DISP3: variants seen among roughly 807,000 people sequenced by gnomAD.
DISP3 encodes protein dispatched homolog 3.
DISP3 carries 101 observed loss-of-function variants against 135.3 expected under a neutral mutation model. That is an observed-to-expected ratio of 0.75 (90% CI 0.64 to 0.88). The LOEUF is 0.88. Among genes scored for constraint, DISP3 ranks in the 40% least tolerant of loss-of-function variants. The pLI is 0.00. For missense variants in DISP3, 1,713 were observed against 1,878.6 expected (o/e 0.91, Z 1.63); for synonymous variants, 856 against 817.0 (o/e 1.05, Z -0.81).
Position 11,519,573 on chromosome 1 carries a change from C to T in DISP3, c.2038+70C>T. 1 of 1,587,590 alleles carries T rather than the reference C, an allele frequency of 6.3e-7. No individual in the cohort carries two copies. Among genetic ancestry groups the T allele is most frequent in the South Asian group, 1.1e-5 (1 of 88,662 alleles). ...AGCGCTGCCTCTGCCAGGGGAGTAACACTTGACAAGTTGGTCCTGAGGCTG... is the reference window on the plus strand; with the variant it reads ...AGCGCTGCCTCTGCCAGGGGAGTAATACTTGACAAGTTGGTCCTGAGGCTG... On this transcript the variant is annotated intron_variant, in intron 8 of 20. Coordinates refer to ENST00000294484, the MANE Select transcript of DISP3 (RefSeq NM_020780.2). This position sits in a 1 kb window ranked among gnomAD's most constrained non-coding sequence, Gnocchi z 4.3.
chr1:11,520,688 G>A lies in DISP3; in HGVS notation c.2202G>A (p.Gly734=), dbSNP rs1642160941. 1 of 1,612,828 alleles carries A rather than the reference G, an allele frequency of 6.2e-7. No homozygotes were observed. Among genetic ancestry groups the A allele is most frequent in the Non-Finnish European group, 8.5e-7 (1 of 1,179,780 alleles). The change falls in exon 10 of 21, where the codon GGG becomes GGA. Residue 734 remains glycine (G), a splice_region_variant and synonymous_variant. Transcript: ENST00000294484. The surrounding 1 kb of genome is among the most constrained non-coding windows in gnomAD (Gnocchi z 4.8). The part of the protein sequence containing the change: ...SAVKSRWVIV[G]LFVSILILSL... ...TGGTGTAGCGCCCTTTCCTCACAGG[G>A]CTGTTCGTCTCCATCCTCATCTTGT...
At chr1:11,484,537 G>T (rs1015028655) in intron 1 of DISP3, among the ~76,000 whole-genome samples, 1 of 152,236 alleles carries the variant, frequency 6.6e-6, no homozygotes, top group Non-Finnish European at 1.5e-5. Flanking sequence ...TTAGTGAAGT[G>T]TAAGGTCTGG....
intron 1 of DISP3, among the ~76,000 whole-genome samples, chr1:11,480,971 T>G (rs558678126): frequency 6.6e-6 from 1 of 151,642 alleles, no homozygotes; most frequent in South Asian, 2.1e-4. Flanking sequence ...GACACACACA[T>G]GTACAATCAG....
At chr1:11,528,307 C>T (rs947250535) in intron 13 of DISP3, among the ~76,000 whole-genome samples, 6 of 152,100 alleles carry the variant, frequency 3.9e-5, no homozygotes, top group Non-Finnish European at 7.4e-5. Flanking sequence ...ATTCTGTGCT[C>T]TCGGGATCTC....
chr1:11,514,134 C>T (rs577837178), intron 3 of DISP3, among the ~76,000 whole-genome samples: 11 of 152,196 alleles, frequency 7.2e-5, no homozygotes, highest in African/African-American at 2.6e-4. Flanking sequence ...CAACCTTGAC[C>T]CTACATTTGA....
At chr1:11,510,586 G>A (rs1641829979) in intron 3 of DISP3, among the ~76,000 whole-genome samples, 1 of 75,964 alleles carries the variant, frequency 1.3e-5, no homozygotes, top group Non-Finnish European at 2.8e-5. Context: ...AAAATTGTAT[G>A]TATTTATTTA....
chr1:11,501,765 AC>A lies in DISP3; in HGVS notation c.774del (p.Ser259ArgfsTer5). 2 of 1,593,704 alleles carry A rather than the reference AC, an allele frequency of 1.3e-6. No individual in the cohort carries two copies. The highest frequency in any genetic ancestry group is 1.7e-6 in the Non-Finnish European group (2 of 1,168,136). The stretch of plus-strand genomic sequence containing the variant: ...CGCCGAGGCGCCTCGCGCTGGGACT[AC>A]TCGCGCGCCTATGTGAGTGCCAACA... ...RARRGASRWD[Y>X]SRAYVSANTQ... On this transcript the variant is annotated frameshift_variant, in exon 2 of 21. Transcript: ENST00000294484. LOFTEE classifies it high-confidence loss of function. The surrounding 1 kb of genome is among the most constrained non-coding windows in gnomAD (Gnocchi z 4.9).
Position 11,520,949 on chromosome 1 carries a change from G to C in DISP3, c.2362+101G>C. 4 of 1,348,230 alleles carry C rather than the reference G, an allele frequency of 3.0e-6. No homozygotes were observed. The highest frequency in any genetic ancestry group is 4.0e-6 in the Non-Finnish European group (4 of 1,005,116). The allele number at this position is 1,348,230 out of a possible 1,614,324, so 83.5% of individuals were successfully genotyped here. ...GGATCCAGGGTCCCCATCAATGCCAGACCTCAGGCAAATCCCACTCCCCTC... is the reference window on the plus strand; with the variant it reads ...GGATCCAGGGTCCCCATCAATGCCACACCTCAGGCAAATCCCACTCCCCTC... On this transcript the variant is annotated intron_variant, in intron 10 of 20. Transcript: ENST00000294484. This position sits in a 1 kb window ranked among gnomAD's most constrained non-coding sequence, Gnocchi z 4.8.
chr1:11,513,501 C>T (rs1641915013), intron 3 of DISP3, among the ~76,000 whole-genome samples: 1 of 152,088 alleles, frequency 6.6e-6, no homozygotes. Flanking sequence ...GGGAAGTCTG[C>T]TGTCAGCCTT....
rs775174612 is a variant in DISP3 at position 11,501,592 on chromosome 1, C to T, written c.600C>T (p.Ser200=). The change falls in exon 2 of 21, where the codon AGC becomes AGT. Residue 200 remains serine (S), a synonymous_variant. Transcript: ENST00000294484. This position sits in a 1 kb window ranked among gnomAD's most constrained non-coding sequence, Gnocchi z 4.9. ...SAAQKPTANR[S]GRLRRETPPL... ...CTCAAAAGCCCACAGCCAATCGGAGCGGGCGACTTCGGCGTGAGACCCCGC... is the reference window on the plus strand; with the variant it reads ...CTCAAAAGCCCACAGCCAATCGGAGTGGGCGACTTCGGCGTGAGACCCCGC... The T allele has an allele frequency of 5.6e-6, 9 of 1,596,936 alleles. No homozygotes were observed. Among genetic ancestry groups the T allele is most frequent in the Non-Finnish European group, 7.7e-6 (9 of 1,170,596 alleles).
At chr1:11,512,990 G>A (rs966059146) in intron 3 of DISP3, among the ~76,000 whole-genome samples, 22 of 152,224 alleles carry the variant, frequency 1.4e-4, no homozygotes, top group South Asian at 4.1e-4. Context: ...AGTCTAGCAC[G>A]GGAAAGACCG....
intron 11 of DISP3, among the ~76,000 whole-genome samples, chr1:11,524,949 A>C (rs1570137454): frequency 3.1e-5 from 2 of 63,610 alleles, no homozygotes; most frequent in Non-Finnish European, 3.1e-5. Context: ...TATCTCCCTC[A>C]CCACCTCCCC....
intron 17 of DISP3, 105 bp from the exon 18 acceptor site, chr1:11,534,276 C>T: frequency 7.2e-7 from 1 of 1,379,690 alleles, no homozygotes; most frequent in Non-Finnish European, 1.0e-6. Flanking sequence ...CTCCCCAACA[C>T]ACGCACCACT....
At position 11,536,848 on chromosome 1, in the gene DISP3, T is replaced by C; in HGVS notation, c.*162T>C. On this transcript the variant is annotated 3_prime_UTR_variant, in exon 21 of 21. Transcript: ENST00000294484. The surrounding 1 kb of genome is among the most constrained non-coding windows in gnomAD (Gnocchi z 4.3). ...CCCACACAGATGGTGTGGACCATGC[T>C]GCCTTGTGGAGCTGGGAGTTGGAGA... 9.9e-7 allele frequency: 1 copy of C among 1,006,904 alleles called. No homozygotes were observed. The highest frequency in any genetic ancestry group is 1.7e-5 in the African/African-American group (1 of 60,072). The allele number at this position is 1,006,904 out of a possible 1,614,324, so 62.4% of individuals were successfully genotyped here.
chr1:11,505,272 GTT>G (rs2100423179), intron 3 of DISP3, among the ~76,000 whole-genome samples: 1 of 152,342 alleles, frequency 6.6e-6, no homozygotes, highest in Admixed American at 6.5e-5. Context: ...TGCTGGTTCA[GTT>G]TCTATGGGCC....
chr1:11,502,779 C>G lies in DISP3; in HGVS notation c.1198C>G (p.Leu400Val). The change falls in exon 3 of 21, where the codon CTG becomes GTG. Residue 400 changes from leucine (L) to valine (V), a missense_variant. Transcript: ENST00000294484. ...LKSSLLRSEI[L>V]FGAPLPNYYS... ...GAGCTCCCTCCTGCGCAGTGAGATCCTGTTTGGAGCACCCCTGCCCAACTA... is the reference window on the plus strand; with the variant it reads ...GAGCTCCCTCCTGCGCAGTGAGATCGTGTTTGGAGCACCCCTGCCCAACTA... The G allele has an allele frequency of 1.2e-6, 2 of 1,614,218 alleles. No individual in the cohort carries two copies. Among genetic ancestry groups the G allele is most frequent in the South Asian group, 2.2e-5 (2 of 91,082 alleles).
At chr1:11,494,583 TCCTCC>T (rs1368557969) in intron 1 of DISP3, among the ~76,000 whole-genome samples, 1 of 152,160 alleles carries the variant, frequency 6.6e-6, no homozygotes, top group African/African-American at 2.4e-5. Flanking sequence ...CTCTTTTCTT[TCCTCC>T]CTTCTCTGGA....
Position 11,491,851 on chromosome 1 carries a change from G to A in DISP3, c.-3-9139G>A, listed in dbSNP as rs930758891. On this transcript the variant is annotated intron_variant, in intron 1 of 20. Coordinates refer to ENST00000294484, the MANE Select transcript of DISP3 (RefSeq NM_020780.2). The surrounding 1 kb of genome is among the most constrained non-coding windows in gnomAD (Gnocchi z 4.3). The stretch of plus-strand genomic sequence containing the variant: ...AAGAAGTTAATAATTGGCCGGGCGC[G>A]GTGGCTCACGCCTGTAATCCCAGCA... Among the ~76,000 whole-genome samples the A allele has an allele frequency of 3.9e-5, 6 of 152,182 alleles. No individual in the cohort carries two copies. In the East Asian group the frequency reaches 5.8e-4, roughly 15 times the overall value.
At chr1:11,493,798 T>C (rs1230640799) in intron 1 of DISP3, among the ~76,000 whole-genome samples, 1 of 151,998 alleles carries the variant, frequency 6.6e-6, no homozygotes, top group African/African-American at 2.4e-5. Context: ...TGGCCAAATA[T>C]CTGGGCACCC....
Sources: allele counts gnomAD v4.1 joint callset (sites outside exome capture counted in the v4.1 genomes callset), GRCh38; gene constraint gnomAD v4.1.1; non-coding constraint Gnocchi (gnomAD v3.1); transcripts MANE v1.5; gene names NCBI Gene and HGNC (gene_info 2026-07-23, HGNC 2026-07-21).